The following LUC7L2 variants were observed in gnomAD, a reference collection of about 807,000 sequenced individuals.
The protein encoded by LUC7L2 is putative RNA-binding protein Luc7-like 2.
A neutral mutation model predicts 52.8 loss-of-function variants in LUC7L2; 25 were observed. The observed-to-expected ratio is 0.47, with a 90% CI of 0.34 to 0.66. The LOEUF is 0.66. Among genes scored for constraint, LUC7L2 ranks in the 30% least tolerant of loss-of-function variants. LUC7L2 has a pLI of 0.01. For synonymous variants in LUC7L2, 144 were observed against 160.9 expected, an observed-to-expected ratio of 0.89 and a Z score of 0.80; for missense variants, 328 against 497.8, an observed-to-expected ratio of 0.66 and a Z score of 3.25.
intron 1 of LUC7L2, among the ~76,000 whole-genome samples, chr7:139,368,714 G>A (rs1800290986): frequency 7.0e-6 from 1 of 141,932 alleles, no homozygotes; most frequent in South Asian, 2.1e-4. Context: ...CTCCAGCCTG[G>A]GCGACAGAGT....
intron 2 of LUC7L2, among the ~76,000 whole-genome samples, chr7:139,389,787 T>C (rs911180978): frequency 2.6e-5 from 4 of 152,220 alleles, no homozygotes; most frequent in Non-Finnish European, 4.4e-5. Context: ...AGAAAGACTA[T>C]GTTCCTCCCT....
chr7:139,379,470 G>A (rs922911635), intron 2 of LUC7L2, among the ~76,000 whole-genome samples: 2 of 135,754 alleles, frequency 1.5e-5, no homozygotes, highest in Non-Finnish European at 3.1e-5. Flanking sequence ...TGACAAGTTA[G>A]TTTGGAATTT....
At chr7:139,353,066 C>T (rs1462524873) in intron 1 of LUC7L2, among the ~76,000 whole-genome samples, 2 of 151,960 alleles carry the variant, frequency 1.3e-5, no homozygotes, top group South Asian at 2.1e-4. Flanking sequence ...GGCTTGGTGC[C>T]AGGTACCTGT....
At chr7:139,348,608 A>C (rs944735316) in intron 1 of LUC7L2, among the ~76,000 whole-genome samples, 2 of 151,666 alleles carry the variant, frequency 1.3e-5, no homozygotes, top group Non-Finnish European at 2.9e-5. Context: ...AGTCCCAGCT[A>C]CTCTGGAGGC....
In LUC7L2 at chr7:139,383,882, C is replaced by T. The variant is rs536865397; in HGVS notation, c.156+7726C>T. Among the ~76,000 whole-genome samples, 10 of 151,534 alleles carry T rather than the reference C, an allele frequency of 6.6e-5. No homozygotes were observed. In the South Asian group the frequency reaches 8.4e-4, roughly 13 times the overall value. On this transcript the variant is annotated intron_variant, in intron 2 of 9. Coordinates refer to ENST00000354926, the MANE Select transcript of LUC7L2 (RefSeq NM_016019.5). ...CCGAGTAGCTGGGACTACAGGTGCC[C>T]GCTACCATGCCTGGCTAATTATTAT...
intron 2 of LUC7L2, among the ~76,000 whole-genome samples, chr7:139,396,589 A>G (rs555365449): frequency 1.3e-5 from 2 of 152,090 alleles, no homozygotes; most frequent in Non-Finnish European, 2.9e-5. Flanking sequence ...TTCTCTATTT[A>G]TTTCTGTTCC....
chr7:139,405,841 TAAA>T, intron 5 of LUC7L2, 54 bp downstream of exon 5: 1 of 1,523,992 alleles, frequency 6.6e-7, no homozygotes, highest in Non-Finnish European at 8.8e-7. Flanking sequence ...AGACTACAAA[TAAA>T]AAGTAGTAGA....
At chr7:139,395,667 G>T (rs758515121) in intron 2 of LUC7L2, among the ~76,000 whole-genome samples, 37 of 152,064 alleles carry the variant, frequency 2.4e-4, no homozygotes, top group Non-Finnish European at 4.9e-4. Flanking sequence ...TTGAGACAGG[G>T]TCTAGCTCTG....
intron 2 of LUC7L2, among the ~76,000 whole-genome samples, chr7:139,396,675 A>G (rs531215881): frequency 2.6e-4 from 39 of 152,290 alleles, no homozygotes; most frequent in African/African-American, 8.2e-4. Context: ...GTGTTAGTAC[A>G]TAGAATGTGT....
intron 1 of LUC7L2, among the ~76,000 whole-genome samples, chr7:139,352,095 C>G (rs547851142): frequency 2.0e-5 from 3 of 151,954 alleles, no homozygotes; most frequent in Non-Finnish European, 4.4e-5. Context: ...CTCAGGAGGC[C>G]GAGGTAGGAA....
At chr7:139,352,151 T>C (rs1278243119) in intron 1 of LUC7L2, among the ~76,000 whole-genome samples, 2 of 152,018 alleles carry the variant, frequency 1.3e-5, no homozygotes, top group Non-Finnish European at 2.9e-5. Flanking sequence ...GCTATGATCA[T>C]AGCCACTGCT....
chr7:139,376,883 C>G (rs1470995454), intron 2 of LUC7L2, among the ~76,000 whole-genome samples: 1 of 152,178 alleles, frequency 6.6e-6, no homozygotes, highest in Non-Finnish European at 1.5e-5. Flanking sequence ...CCAGAAATGA[C>G]TGAAATGAAG....
intron 9 of LUC7L2, among the ~76,000 whole-genome samples, chr7:139,419,331 A>G (rs1007365041): frequency 3.3e-5 from 5 of 152,212 alleles, no homozygotes; most frequent in Non-Finnish European, 1.5e-5. Flanking sequence ...TTGAACAGGT[A>G]GAATCAGCTA....
intron 1 of LUC7L2, among the ~76,000 whole-genome samples, chr7:139,351,702 T>A (rs1383912193): frequency 1.3e-5 from 2 of 152,238 alleles, no homozygotes; most frequent in African/African-American, 4.8e-5. Flanking sequence ...AGAAATTCAG[T>A]TATTGGGAGC....
At chr7:139,367,113 A>G (rs1387036393) in intron 1 of LUC7L2, among the ~76,000 whole-genome samples, 1 of 152,062 alleles carries the variant, frequency 6.6e-6, no homozygotes, top group Admixed American at 6.6e-5. Context: ...CTGAGATGAC[A>G]GGCATGCACT....
chr7:139,371,980 AAG>A (rs1366172886), intron 1 of LUC7L2, among the ~76,000 whole-genome samples: 13 of 152,196 alleles, frequency 8.5e-5, no homozygotes, highest in East Asian at 5.8e-4. Context: ...AGAGGGAGGA[AAG>A]AGAGTTGTTG....
At chr7:139,349,945 T>C (rs1172598791) in intron 1 of LUC7L2, among the ~76,000 whole-genome samples, 2 of 152,160 alleles carry the variant, frequency 1.3e-5, no homozygotes, top group East Asian at 3.8e-4. Flanking sequence ...CCCCAAAAGG[T>C]TATCTTGTGC....
intron 3 of LUC7L2, among the ~76,000 whole-genome samples, chr7:139,399,272 T>C (rs1479083300): frequency 1.3e-5 from 2 of 151,872 alleles, no homozygotes; most frequent in Non-Finnish European, 2.9e-5. Flanking sequence ...TTGTATTAGG[T>C]ATTATAAGTA....
chr7:139,411,861 G>A (rs1036120682), intron 7 of LUC7L2, among the ~76,000 whole-genome samples: 4 of 152,176 alleles, frequency 2.6e-5, no homozygotes, highest in Admixed American at 6.5e-5. Flanking sequence ...TCCCAGAAGG[G>A]AAAAAAGAAA....
Sources: allele counts gnomAD v4.1 joint callset (sites outside exome capture counted in the v4.1 genomes callset), GRCh38; gene constraint gnomAD v4.1.1; transcripts MANE v1.5; gene names NCBI Gene and HGNC (gene_info 2026-07-23, HGNC 2026-07-21).